The following MAGI2 variants were observed in gnomAD, a reference collection of about 807,000 sequenced individuals.
MAGI2 encodes membrane-associated guanylate kinase, WW and PDZ domain-containing protein 2.
In MAGI2, 35 loss-of-function variants were observed where a neutral mutation model predicts 133.3. The observed-to-expected ratio is 0.26, with a 90% CI of 0.20 to 0.35. The LOEUF is 0.35. Among genes scored for constraint, MAGI2 ranks in the 10% least tolerant of loss-of-function variants. The pLI, the probability that MAGI2 is intolerant of heterozygous loss-of-function variation, is 1.00. For synonymous variants in MAGI2, 729 were observed against 710.6 expected (o/e 1.03, Z -0.41); for missense variants, 1,636 against 1,863.4 (o/e 0.88, Z 2.25).
intron 1 of MAGI2, among the ~76,000 whole-genome samples, chr7:79,339,138 A>AAAAATAT (rs908181922): frequency 2.6e-5 from 4 of 152,124 alleles, no homozygotes; most frequent in African/African-American, 9.7e-5. Context: ...CTTGGGAGAA[A>AAAAATAT]AAAATATATT....
chr7:78,762,793 A>AG (rs1824643219), intron 2 of MAGI2, among the ~76,000 whole-genome samples: 1 of 152,336 alleles, frequency 6.6e-6, no homozygotes, highest in African/African-American at 2.4e-5. Flanking sequence ...ATTACTATCC[A>AG]GGCAGTGACC....
intron 6 of MAGI2, among the ~76,000 whole-genome samples, chr7:78,379,706 AT>A (rs1233251135): frequency 2.6e-5 from 4 of 152,010 alleles, no homozygotes; most frequent in African/African-American, 7.2e-5. Context: ...CTTTCTTTCC[AT>A]CCATCTTTCT....
chr7:78,057,977 G>GTGTGTGTA (rs762943472), intron 21 of MAGI2, among the ~76,000 whole-genome samples: 3 of 106,612 alleles, frequency 2.8e-5, no homozygotes, highest in Admixed American at 9.0e-5. Flanking sequence ...ATATATATGT[G>GTGTGTGTA]TATATATATA....
chr7:78,680,954 A>G (rs1193367879), intron 2 of MAGI2, among the ~76,000 whole-genome samples: 1 of 152,122 alleles, frequency 6.6e-6, no homozygotes, highest in African/African-American at 2.4e-5. Context: ...AGGGCCTTAC[A>G]CTGACAAGTC....
At chr7:78,860,343 T>A (rs1794051216) in intron 2 of MAGI2, among the ~76,000 whole-genome samples, 1 of 152,186 alleles carries the variant, frequency 6.6e-6, no homozygotes, top group African/African-American at 2.4e-5. Context: ...ATTTTCAGCT[T>A]TTCTGCTCTG....
At position 78,214,368 on chromosome 7, in the gene MAGI2, T is replaced by C. The variant is rs1788064988; in HGVS notation, c.2048-13175A>G. Among the ~76,000 whole-genome samples the C allele has an allele frequency of 1.3e-5, 2 of 152,214 alleles. 1 individual carries two copies. The highest frequency in any genetic ancestry group is 1.3e-4 in the Admixed American group (2 of 15,282). ...AACATTCCTTTTTAAAATACTTACC[T>C]ATTTTGTTATAGATGCCATCCTCCA... On this transcript the variant is annotated intron_variant, in intron 10 of 21. Coordinates refer to ENST00000354212, the MANE Select transcript of MAGI2 (RefSeq NM_012301.4).
At chr7:79,015,615 G>A (rs1808622477) in intron 1 of MAGI2, among the ~76,000 whole-genome samples, 1 of 152,058 alleles carries the variant, frequency 6.6e-6, no homozygotes, top group African/African-American at 2.4e-5. Context: ...ACAATTATAG[G>A]GTCATGATTT....
At chr7:78,457,160 C>G (rs1011225541) in intron 6 of MAGI2, among the ~76,000 whole-genome samples, 6 of 152,150 alleles carry the variant, frequency 3.9e-5, no homozygotes, top group African/African-American at 9.7e-5. Flanking sequence ...AGCCCTGCCC[C>G]GCTTTAGGTG....
intron 20 of MAGI2, among the ~76,000 whole-genome samples, chr7:78,123,626 T>C (rs1161944316): frequency 6.6e-6 from 1 of 152,186 alleles, no homozygotes; most frequent in African/African-American, 2.4e-5. Context: ...GATAAAGGGC[T>C]GTTTCACCTT....
intron 3 of MAGI2, among the ~76,000 whole-genome samples, chr7:78,592,755 A>T (rs1804147489): frequency 6.6e-6 from 1 of 151,590 alleles, no homozygotes; most frequent in South Asian, 2.1e-4. Context: ...AAGCAGGCAC[A>T]CTGGGGAGGA....
chr7:78,128,927 T>C (rs1821268815), intron 18 of MAGI2, among the ~76,000 whole-genome samples: 1 of 152,238 alleles, frequency 6.6e-6, no homozygotes, highest in South Asian at 2.1e-4. Flanking sequence ...TTGAATAAGA[T>C]GCTTAACTAT....
chr7:79,047,103 T>C (rs1466252595), intron 1 of MAGI2, among the ~76,000 whole-genome samples: 3 of 152,182 alleles, frequency 2.0e-5, no homozygotes, highest in Non-Finnish European at 4.4e-5. Context: ...AATAAAATTA[T>C]GATGAGGCTA....
intron 3 of MAGI2, among the ~76,000 whole-genome samples, chr7:78,524,769 CA>C (rs547752285): frequency 5.5e-4 from 84 of 151,764 alleles, no homozygotes; most frequent in African/African-American, 2.0e-3. Context: ...GCACAGCTTT[CA>C]GTAAGTATGT....
At chr7:79,183,077 T>G (rs1297620850) in intron 1 of MAGI2, among the ~76,000 whole-genome samples, 3 of 151,868 alleles carry the variant, frequency 2.0e-5, no homozygotes, top group Non-Finnish European at 4.4e-5. Flanking sequence ...AAACAGAGGT[T>G]GGTTAATGGG....
intron 3 of MAGI2, among the ~76,000 whole-genome samples, chr7:78,609,342 G>A (rs755578390): frequency 2.6e-5 from 4 of 151,968 alleles, no homozygotes; most frequent in Non-Finnish European, 4.4e-5. Context: ...CAATAATAAG[G>A]TCATAATTAT....
intron 1 of MAGI2, among the ~76,000 whole-genome samples, chr7:79,188,543 G>A (rs1248391328): frequency 1.3e-5 from 2 of 151,752 alleles, no homozygotes; most frequent in Non-Finnish European, 2.9e-5. Context: ...GCATTTGGTT[G>A]ATTCCAGGTC....
chr7:78,819,264 T>A (rs1171946420), intron 2 of MAGI2, among the ~76,000 whole-genome samples: 1 of 152,112 alleles, frequency 6.6e-6, no homozygotes, highest in African/African-American at 2.4e-5. Flanking sequence ...TTCTTACAGG[T>A]TGAAGGATCA....
intron 2 of MAGI2, among the ~76,000 whole-genome samples, chr7:78,815,401 G>T (rs913652250): frequency 4.6e-5 from 7 of 152,162 alleles, no homozygotes; most frequent in Non-Finnish European, 1.0e-4. Context: ...AGAGTTAATG[G>T]AAAGAACTGA....
At chr7:78,499,508 C>G (rs1794427999) in intron 5 of MAGI2, among the ~76,000 whole-genome samples, 1 of 152,184 alleles carries the variant, frequency 6.6e-6, no homozygotes, top group Admixed American at 6.6e-5. Context: ...AATCATTTTG[C>G]TAGATTCTCT....
Sources: allele counts gnomAD v4.1 joint callset (sites outside exome capture counted in the v4.1 genomes callset), GRCh38; gene constraint gnomAD v4.1.1; transcripts MANE v1.5; gene names NCBI Gene and HGNC (gene_info 2026-07-23, HGNC 2026-07-21).